The following ZNF37A variants were observed in gnomAD, a reference collection of about 807,000 sequenced individuals.
ZNF37A encodes zinc finger protein 37A, also known as zinc finger protein 37a (KOX 21).
Under a neutral mutation model 12.3 loss-of-function variants are expected in ZNF37A, and 10 were observed. That is an observed-to-expected ratio of 0.82 (90% CI 0.50 to 1.38). ZNF37A has a LOEUF of 1.38. Among genes scored for constraint, ZNF37A ranks in the 40% most tolerant of loss-of-function variants. The pLI is 0.00. For missense variants in ZNF37A, 580 were observed against 651.2 expected (o/e 0.89, Z 1.19); for synonymous variants, 207 against 223.0 (o/e 0.93, Z 0.64).
intron 2 of ZNF37A, 57 bp from the exon 3 acceptor site, chr10:38,095,481 G>A (rs1299323626): frequency 6.6e-6 from 1 of 152,390 alleles, no homozygotes; most frequent in Non-Finnish European, 1.5e-5. Flanking sequence ...GAAGAGCTTA[G>A]CAGCCAAGTG....
At chr10:38,146,348 C>T (rs777729133) in intron 7 of ZNF37A, among the ~76,000 whole-genome samples, 23 of 152,148 alleles carry the variant, frequency 1.5e-4, no homozygotes, top group Middle Eastern at 3.2e-3. Context: ...ACAATCTCAG[C>T]GCACCACATC....
At chr10:38,109,660 C>G (rs1175684866) in intron 5 of ZNF37A, among the ~76,000 whole-genome samples, 1 of 152,168 alleles carries the variant, frequency 6.6e-6, no homozygotes, top group Non-Finnish European at 1.5e-5. Flanking sequence ...GATACAAAAT[C>G]AACGTGCAAA....
chr10:38,111,153 A>G (rs1242571268), intron 5 of ZNF37A, among the ~76,000 whole-genome samples: 5 of 152,206 alleles, frequency 3.3e-5, no homozygotes, highest in African/African-American at 9.7e-5. Context: ...CTATGCAGCC[A>G]TAAAAAAGGA....
downstream of ZNF37A, among the ~76,000 whole-genome samples, chr10:38,129,556 T>C (rs2069989112): frequency 6.6e-6 from 1 of 152,106 alleles, no homozygotes; most frequent in Non-Finnish European, 1.5e-5. Context: ...TAAAAAACTA[T>C]AACTTGGCTA....
rs1282869592 is a variant in ZNF37A at position 38,123,638 on chromosome 10, A to G, written c.*4801A>G. ...CCAGAATATATAAGGAGCTATAACAATTCTATAGAAAAAAAAATCTGATTT... is the reference window on the plus strand; with the variant it reads ...CCAGAATATATAAGGAGCTATAACAGTTCTATAGAAAAAAAAATCTGATTT... On this transcript the variant is annotated 3_prime_UTR_variant, in exon 8 of 8. Coordinates refer to ENST00000685332, the MANE Select transcript of ZNF37A (RefSeq NM_001324250.3). 1 of 152,016 alleles carries G rather than the reference A, an allele frequency of 6.6e-6. No homozygotes were observed. Among genetic ancestry groups the G allele is most frequent in the Non-Finnish European group, 1.5e-5 (1 of 68,036 alleles). The allele number at this position is 152,016 out of a possible 1,614,324, so 9.4% of individuals were successfully genotyped here. A position where few individuals can be genotyped will look rare whatever the true frequency, so the allele number is the denominator to read the frequency against.
rs1460814508 is a variant in ZNF37A, at chr10:38,130,589, T to G, written c.238+15299T>G. On this transcript the variant is annotated intron_variant, in intron 7 of 7. Coordinates refer to the ZNF37A transcript ENST00000638053. ...GATTCTCCTGCCTCAGCCCCCCAGG[T>G]AGCTGGGATTACAGGGGTGCACCAC... Among the ~76,000 whole-genome samples, 3 of 152,226 alleles carry G rather than the reference T, an allele frequency of 2.0e-5. No homozygotes were observed. The East Asian group carries it at 5.8e-4, about 29-fold the overall frequency.
In ZNF37A at chr10:38,122,885, C is replaced by T. The variant is rs2069791689; in HGVS notation, c.*4048C>T. ...GGAAATAACAAAGTGAAGAGACAACCCATAGAATGTGAGATAATATTTGCA... is the reference window on the plus strand; with the variant it reads ...GGAAATAACAAAGTGAAGAGACAACTCATAGAATGTGAGATAATATTTGCA... On this transcript the variant is annotated 3_prime_UTR_variant, in exon 8 of 8. Coordinates refer to ENST00000685332, the MANE Select transcript of ZNF37A (RefSeq NM_001324250.3). 6.6e-6 allele frequency: 1 copy of T among 152,084 alleles called. No homozygotes were observed. The highest frequency in any genetic ancestry group is 2.4e-5 in the African/African-American group (1 of 41,396). The allele number at this position is 152,084 out of a possible 1,614,324, so 9.4% of individuals were successfully genotyped here. A position where few individuals can be genotyped will look rare whatever the true frequency, so the allele number is the denominator to read the frequency against.
intron 5 of ZNF37A, among the ~76,000 whole-genome samples, chr10:38,109,830 AG>A (rs1348151093): frequency 2.0e-5 from 3 of 152,244 alleles, no homozygotes; most frequent in Non-Finnish European, 4.4e-5. Flanking sequence ...CCACTGCTCA[AG>A]GAAGTAAGAG....
At chr10:38,136,467 A>C (rs560647725) in intron 7 of ZNF37A, among the ~76,000 whole-genome samples, 1 of 152,254 alleles carries the variant, frequency 6.6e-6, no homozygotes, top group Non-Finnish European at 1.5e-5. Flanking sequence ...AAGCATTTTA[A>C]ATATATTCAG....
chr10:38,126,028 G>T (rs1176544636), downstream of ZNF37A, among the ~76,000 whole-genome samples: 1 of 152,166 alleles, frequency 6.6e-6, no homozygotes, highest in Non-Finnish European at 1.5e-5. Context: ...TAAGCCATAT[G>T]AGGGTTCCAT....
chr10:38,105,055 G>A (rs2067944488), intron 5 of ZNF37A, among the ~76,000 whole-genome samples: 1 of 150,854 alleles, frequency 6.6e-6, no homozygotes, highest in African/African-American at 2.4e-5. Context: ...GCCCAGGCTG[G>A]AATGCAATGG....
downstream of ZNF37A, among the ~76,000 whole-genome samples, chr10:38,129,304 T>TAAAAA (rs775705417): frequency 1.3e-3 from 74 of 56,908 alleles, 9 homozygotes; most frequent in East Asian, 0.01. Context: ...AGACTCTGTC[T>TAAAAA]AAAAAAAAAA....
chr10:38,112,752 TTTC>T (rs2068856327), intron 5 of ZNF37A, among the ~76,000 whole-genome samples: 1 of 125,106 alleles, frequency 8.0e-6, no homozygotes, highest in Admixed American at 8.0e-5. Flanking sequence ...TTTCTTTTCT[TTTC>T]TTTTCTTTTC....
chr10:38,133,782 C>T (rs566054451), intron 7 of ZNF37A, among the ~76,000 whole-genome samples: 4 of 152,194 alleles, frequency 2.6e-5, no homozygotes, highest in African/African-American at 4.8e-5. Flanking sequence ...CATACATGTG[C>T]GTGTGTTTTT....
chr10:38,117,091 A>G, intron 7 of ZNF37A: 1 of 801,548 alleles, frequency 1.2e-6, no homozygotes, highest in Non-Finnish European at 1.5e-6. Context: ...CCTGGATGAC[A>G]GAGCAAGACT....
intron 5 of ZNF37A, among the ~76,000 whole-genome samples, chr10:38,105,135 A>T (rs1464330979): frequency 6.6e-6 from 1 of 151,704 alleles, no homozygotes; most frequent in Non-Finnish European, 1.5e-5. Flanking sequence ...CCTCCCAAGT[A>T]GCTGGGATTA....
chr10:38,126,292 C>G (rs147698516), downstream of ZNF37A, among the ~76,000 whole-genome samples: 9 of 152,200 alleles, frequency 5.9e-5, no homozygotes, highest in South Asian at 1.9e-3. Context: ...ACTAACTCCT[C>G]TTCCTTCTCT....
intron 5 of ZNF37A, among the ~76,000 whole-genome samples, chr10:38,114,015 A>T (rs1266137803): frequency 1.3e-5 from 2 of 152,218 alleles, no homozygotes; most frequent in African/African-American, 4.8e-5. Context: ...AGCTTTCCTT[A>T]TATGTGGATT....
At chr10:38,128,758 T>C (rs2069964951), downstream of ZNF37A, among the ~76,000 whole-genome samples, 1 of 152,168 alleles carries the variant, frequency 6.6e-6, no homozygotes, top group African/African-American at 2.4e-5. Context: ...TCTCATTCAA[T>C]GAAGTTCTTT....
Sources: allele counts gnomAD v4.1 joint callset (sites outside exome capture counted in the v4.1 genomes callset), GRCh38; gene constraint gnomAD v4.1.1; transcripts MANE v1.5; gene names NCBI Gene and HGNC (gene_info 2026-07-23, HGNC 2026-07-21).